Variants in CSGALNACT1 observed in about 807,000 individuals in gnomAD.
CSGALNACT1 encodes beta4GalNAcT-1.
A neutral mutation model predicts 51.0 loss-of-function variants in CSGALNACT1; 52 were observed. The ratio of observed to expected loss-of-function variants is 1.02; its 90% CI spans 0.82 to 1.29. The LOEUF (loss-of-function observed/expected upper bound fraction) is 1.29, where lower values mean the gene tolerates loss of function less well. Ranked by LOEUF, CSGALNACT1 falls within the 50% of genes most tolerant of loss-of-function variation. The pLI is 0.00. For missense variants in CSGALNACT1, 935 were observed against 679.2 expected (o/e 1.38, Z -4.19); for synonymous variants, 341 against 254.4 (o/e 1.34, Z -3.24).
At chr8:19,421,139 T>C (rs2057855089) in intron 6 of CSGALNACT1, among the ~76,000 whole-genome samples, 1 of 152,260 alleles carries the variant, frequency 6.6e-6, no homozygotes, top group Non-Finnish European at 1.5e-5. Flanking sequence ...GGCCAGCCCA[T>C]GAATCTTCCT....
intron 1 of CSGALNACT1, among the ~76,000 whole-genome samples, chr8:19,641,623 T>C (rs544268820): frequency 2.0e-5 from 3 of 152,242 alleles, no homozygotes; most frequent in Non-Finnish European, 2.9e-5. Context: ...ATGAAACATA[T>C]TGAAATACGA....
intron 4 of CSGALNACT1, among the ~76,000 whole-genome samples, chr8:19,465,976 C>A (rs1459804018): frequency 1.3e-5 from 2 of 152,194 alleles, no homozygotes; most frequent in Non-Finnish European, 2.9e-5. Flanking sequence ...AAGGTAAAGT[C>A]TGTAGCAAAA....
chr8:19,603,366 G>A (rs2050852679), upstream of CSGALNACT1, among the ~76,000 whole-genome samples: 1 of 152,304 alleles, frequency 6.6e-6, no homozygotes, highest in African/African-American at 2.4e-5. Flanking sequence ...CCAGTTCACT[G>A]TGGGTTTACT....
At chr8:19,475,366 G>A (rs955013715) in intron 4 of CSGALNACT1, among the ~76,000 whole-genome samples, 4 of 152,152 alleles carry the variant, frequency 2.6e-5, no homozygotes, top group Non-Finnish European at 5.9e-5. Flanking sequence ...GGGTCTGTTT[G>A]GATCTTGGTT....
At chr8:19,622,664 T>C (rs1334965754) in intron 1 of CSGALNACT1, among the ~76,000 whole-genome samples, 7 of 152,142 alleles carry the variant, frequency 4.6e-5, no homozygotes, top group African/African-American at 1.4e-4. Context: ...TACTTTAAAT[T>C]AGCCTTTAGT....
intron 1 of CSGALNACT1, among the ~76,000 whole-genome samples, chr8:19,670,647 AGAC>A (rs1227296162): frequency 8.6e-4 from 79 of 92,326 alleles, no homozygotes; most frequent in African/African-American, 2.4e-3. Context: ...GCACTACTGA[AGAC>A]AAAAAAAAAA....
intron 3 of CSGALNACT1, among the ~76,000 whole-genome samples, chr8:19,529,581 C>T (rs933711889): frequency 2.0e-5 from 3 of 152,162 alleles, no homozygotes; most frequent in Admixed American, 6.5e-5. Context: ...TTATCAAATA[C>T]GTATCAATAT....
intron 3 of CSGALNACT1, among the ~76,000 whole-genome samples, chr8:19,532,698 G>A (rs1380922383): frequency 6.6e-6 from 1 of 152,168 alleles, no homozygotes; most frequent in Non-Finnish European, 1.5e-5. Context: ...TCAGATGGCA[G>A]AAGGTGCCTG....
intron 3 of CSGALNACT1, among the ~76,000 whole-genome samples, chr8:19,585,974 C>T (rs374292679): frequency 1.3e-5 from 2 of 152,176 alleles, no homozygotes; most frequent in African/African-American, 4.8e-5. Flanking sequence ...GCAGAGCCCC[C>T]AGGAGGCTAA....
intron 4 of CSGALNACT1, among the ~76,000 whole-genome samples, chr8:19,502,162 T>A (rs2076532586): frequency 6.6e-6 from 1 of 152,214 alleles, no homozygotes; most frequent in African/African-American, 2.4e-5. Flanking sequence ...TAGAAGAGGA[T>A]CCCAAAGGGG....
chr8:19,620,614 T>A (rs2053696432), intron 1 of CSGALNACT1, among the ~76,000 whole-genome samples: 1 of 152,054 alleles, frequency 6.6e-6, no homozygotes, highest in Non-Finnish European at 1.5e-5. Flanking sequence ...GTTTTTGTAT[T>A]GTTGAGATGG....
At chr8:19,483,368 C>T (rs771761518) in intron 4 of CSGALNACT1, among the ~76,000 whole-genome samples, 11 of 152,298 alleles carry the variant, frequency 7.2e-5, no homozygotes, top group Middle Eastern at 3.4e-3. Flanking sequence ...CAGTGATATC[C>T]CCAAGTTTCA....
chr8:19,749,714 C>T (rs1004659355), intron 1 of CSGALNACT1, among the ~76,000 whole-genome samples: 10 of 152,262 alleles, frequency 6.6e-5, no homozygotes, highest in African/African-American at 2.4e-4. Context: ...GTGAAACAGA[C>T]CTGGATGTAA....
intron 3 of CSGALNACT1, among the ~76,000 whole-genome samples, chr8:19,557,834 G>A (rs139067328): frequency 4.0e-4 from 61 of 152,232 alleles, no homozygotes; most frequent in African/African-American, 1.4e-3. Context: ...AAGGAACTTC[G>A]TTTGTTCACC....
intron 1 of CSGALNACT1, among the ~76,000 whole-genome samples, chr8:19,687,650 T>A (rs775912178): frequency 1.3e-5 from 2 of 152,206 alleles, no homozygotes; most frequent in East Asian, 3.8e-4. Flanking sequence ...CAGAGAAAAT[T>A]TGGCTTTTAA....
chr8:19,416,490 T>C (rs908948769), intron 8 of CSGALNACT1, among the ~76,000 whole-genome samples: 1 of 152,200 alleles, frequency 6.6e-6, no homozygotes, highest in Non-Finnish European at 1.5e-5. Flanking sequence ...TGGACAGTAA[T>C]GTCACAGGCC....
chr8:19,516,536 C>T (rs1197912507), intron 3 of CSGALNACT1, among the ~76,000 whole-genome samples: 1 of 152,200 alleles, frequency 6.6e-6, no homozygotes, highest in Non-Finnish European at 1.5e-5. Flanking sequence ...TTTGTACCCC[C>T]ATGTAGCCGT....
chr8:19,656,202 T>C (rs1237813526), intron 1 of CSGALNACT1, among the ~76,000 whole-genome samples: 1 of 152,092 alleles, frequency 6.6e-6, no homozygotes, highest in Non-Finnish European at 1.5e-5. Flanking sequence ...CTGCACAATG[T>C]TACATCAACA....
chr8:19,526,683 T>C (rs2081778896), intron 3 of CSGALNACT1, among the ~76,000 whole-genome samples: 1 of 152,088 alleles, frequency 6.6e-6, no homozygotes, highest in Admixed American at 6.6e-5. Flanking sequence ...CCAATGGCGA[T>C]CAATCAGAAA....
Sources: allele counts gnomAD v4.1 joint callset (sites outside exome capture counted in the v4.1 genomes callset), GRCh38; gene constraint gnomAD v4.1.1; transcripts MANE v1.5; gene names NCBI Gene and HGNC (gene_info 2026-07-23, HGNC 2026-07-21).